IGSF11: variants seen among roughly 807,000 people sequenced by gnomAD.
IGSF11 encodes CXADR like 1.
IGSF11 carries 22 observed loss-of-function variants against 41.0 expected under a neutral mutation model. That is an observed-to-expected ratio of 0.54 (90% CI 0.38 to 0.77). IGSF11 has a LOEUF of 0.77. Among genes scored for constraint, IGSF11 ranks in the 30% least tolerant of loss-of-function variants. The probability of loss-of-function intolerance (pLI) is 0.00; values close to 1 mark genes in which losing one functional copy is unlikely to be tolerated. For synonymous variants in IGSF11, 219 were observed against 201.3 expected, an observed-to-expected ratio of 1.09 and a Z score of -0.74; for missense variants, 444 against 530.8, an observed-to-expected ratio of 0.84 and a Z score of 1.61.
chr3:119,111,927 C>G (rs2077169973), intron 1 of IGSF11, among the ~76,000 whole-genome samples: 1 of 152,212 alleles, frequency 6.6e-6, no homozygotes, highest in African/African-American at 2.4e-5. Context: ...ACCACGAATG[C>G]TGCTGTCTGA....
chr3:118,987,057 C>A (rs1935327694), intron 1 of IGSF11, among the ~76,000 whole-genome samples: 1 of 152,290 alleles, frequency 6.6e-6, no homozygotes, highest in East Asian at 1.9e-4. Flanking sequence ...ACCTATCTCA[C>A]AAACACATGG....
At chr3:119,037,414 C>T (rs1170363670), upstream of IGSF11, among the ~76,000 whole-genome samples, 2 of 152,112 alleles carry the variant, frequency 1.3e-5, no homozygotes, top group African/African-American at 4.8e-5. Context: ...GTACTTGCCT[C>T]CTAAAGATTT....
At chr3:119,071,088 A>G (rs2076393481) in intron 1 of IGSF11, among the ~76,000 whole-genome samples, 1 of 152,194 alleles carries the variant, frequency 6.6e-6, no homozygotes, top group Non-Finnish European at 1.5e-5. Flanking sequence ...GTGAAAGAAC[A>G]CAGAAGTTTT....
intron 1 of IGSF11, among the ~76,000 whole-genome samples, chr3:118,986,747 T>A (rs1935295319): frequency 6.6e-6 from 1 of 152,132 alleles, no homozygotes. Flanking sequence ...AATATAGGTT[T>A]TACATGTATA....
intron 1 of IGSF11, among the ~76,000 whole-genome samples, chr3:119,133,472 G>A (rs970022757): frequency 1.3e-5 from 2 of 152,176 alleles, no homozygotes; most frequent in East Asian, 1.9e-4. Flanking sequence ...AAATCTAGAA[G>A]AAATGGATAA....
intron 1 of IGSF11, among the ~76,000 whole-genome samples, chr3:118,991,012 T>C (rs927783217): frequency 6.6e-6 from 1 of 152,206 alleles, no homozygotes; most frequent in African/African-American, 2.4e-5. Flanking sequence ...CTCTAAGGAA[T>C]GCACAGCCCT....
intron 1 of IGSF11, among the ~76,000 whole-genome samples, chr3:119,126,719 G>A (rs921575771): frequency 2.3e-4 from 35 of 152,234 alleles, no homozygotes; most frequent in African/African-American, 7.2e-4. Flanking sequence ...CTCCAGGCAC[G>A]GGAGCAAATC....
chr3:119,087,746 C>T (rs1041970000), intron 1 of IGSF11, among the ~76,000 whole-genome samples: 4 of 151,878 alleles, frequency 2.6e-5, no homozygotes, highest in African/African-American at 9.7e-5. Flanking sequence ...TAACCAAATG[C>T]CACCTGTTCC....
At chr3:118,970,786 T>C (rs1357488984) in intron 1 of IGSF11, among the ~76,000 whole-genome samples, 1 of 151,430 alleles carries the variant, frequency 6.6e-6, no homozygotes, top group African/African-American at 2.4e-5. Context: ...ATTTTAAAAG[T>C]TTTTAAAATC....
chr3:118,992,314 T>C (rs1362543078), intron 1 of IGSF11, among the ~76,000 whole-genome samples: 2 of 152,232 alleles, frequency 1.3e-5, no homozygotes, highest in Non-Finnish European at 2.9e-5. Context: ...TATCAACTTA[T>C]ACTGATAAAT....
At position 119,145,994 on chromosome 3, in the gene IGSF11, G is replaced by A. The variant is rs368980963; in HGVS notation, c.-195C>T. 1.4e-4 allele frequency: 79 copies of A among 578,804 alleles called. 1 individual carries two copies. The Middle Eastern group carries it at 1.8e-3, about 13-fold the overall frequency. 35.9% of individuals were successfully genotyped at this position (578,804 alleles called of 1,614,324 possible). ...AGGACATGGCGTACTCCCTGCGCTC[G>A]CCTGCACACTGCAGGGTCAGCTGAC... On this transcript the variant is annotated 5_prime_UTR_variant, in exon 1 of 8. Transcript: ENST00000425327.
chr3:119,009,734 G>A (rs187372058), intron 1 of IGSF11, among the ~76,000 whole-genome samples: 1 of 152,254 alleles, frequency 6.6e-6, no homozygotes, highest in African/African-American at 2.4e-5. Flanking sequence ...CATTTCGCCT[G>A]ATTATTTTGA....
At chr3:119,112,932 A>G (rs949249353) in intron 1 of IGSF11, among the ~76,000 whole-genome samples, 8 of 152,196 alleles carry the variant, frequency 5.3e-5, no homozygotes, top group African/African-American at 1.9e-4. Flanking sequence ...GAAACTTACA[A>G]TCATGACAGA....
chr3:119,048,441 A>C (rs1941465756), intron 1 of IGSF11, among the ~76,000 whole-genome samples: 1 of 152,226 alleles, frequency 6.6e-6, no homozygotes, highest in Non-Finnish European at 1.5e-5. Flanking sequence ...CCCAAGACTA[A>C]ACCAGGAAGA....
chr3:119,095,072 T>C (rs1258173613), intron 1 of IGSF11, among the ~76,000 whole-genome samples: 1 of 152,150 alleles, frequency 6.6e-6, no homozygotes, highest in Non-Finnish European at 1.5e-5. Context: ...GGAAAAGTAA[T>C]TTCACATTGA....
At chr3:119,071,070 A>C (rs913862192) in intron 1 of IGSF11, among the ~76,000 whole-genome samples, 2 of 152,198 alleles carry the variant, frequency 1.3e-5, no homozygotes, top group African/African-American at 4.8e-5. Flanking sequence ...TAGGAGGCTT[A>C]CACAAGAGTG....
intron 1 of IGSF11, among the ~76,000 whole-genome samples, chr3:119,014,090 G>A (rs1045084658): frequency 6.6e-6 from 1 of 152,180 alleles, no homozygotes; most frequent in Non-Finnish European, 1.5e-5. Context: ...ATTTGCACTC[G>A]TTAGCACTGC....
chr3:119,141,209 C>T (rs58019698), intron 1 of IGSF11, among the ~76,000 whole-genome samples: 12,101 of 151,552 alleles, frequency 0.08, 640 homozygotes, highest in Admixed American at 0.16. Flanking sequence ...TTAGAAAATA[C>T]TTTGAGATAA....
At chr3:119,104,724 G>A (rs1335407127) in intron 1 of IGSF11, among the ~76,000 whole-genome samples, 3 of 152,054 alleles carry the variant, frequency 2.0e-5, no homozygotes, top group Non-Finnish European at 4.4e-5. Context: ...ACAACAAACT[G>A]ACTATACATT....
Sources: allele counts gnomAD v4.1 joint callset (sites outside exome capture counted in the v4.1 genomes callset), GRCh38; gene constraint gnomAD v4.1.1; transcripts MANE v1.5; gene names NCBI Gene and HGNC (gene_info 2026-07-23, HGNC 2026-07-21).